CRACDL: variants seen among roughly 807,000 people sequenced by gnomAD.
The protein encoded by CRACDL is CRACD-like protein.
CRACDL carries 26 observed loss-of-function variants against 70.6 expected under a neutral mutation model. The ratio of observed to expected loss-of-function variants is 0.37; its 90% CI spans 0.27 to 0.51. The LOEUF (loss-of-function observed/expected upper bound fraction) is 0.51. Among genes scored for constraint, CRACDL ranks in the 20% least tolerant of loss-of-function variants. The probability of loss-of-function intolerance (pLI) is 0.94; values close to 1 mark genes in which losing one functional copy is unlikely to be tolerated. For missense variants in CRACDL, 1,283 were observed against 1,376.9 expected, an observed-to-expected ratio of 0.93 and a Z score of 1.08; for synonymous variants, 618 against 615.2, an observed-to-expected ratio of 1.00 and a Z score of -0.07.
intron 1 of CRACDL, among the ~76,000 whole-genome samples, chr2:98,925,385 A>G (rs1170690850): frequency 6.6e-6 from 1 of 152,220 alleles, no homozygotes; most frequent in East Asian, 1.9e-4. Context: ...GTTAAAAACA[A>G]GGTGACAAGG....
intron 1 of CRACDL, among the ~76,000 whole-genome samples, chr2:98,860,720 A>C (rs578153599): frequency 6.6e-6 from 1 of 152,348 alleles, no homozygotes; most frequent in Admixed American, 6.5e-5. Flanking sequence ...GGCAATAATT[A>C]CTCAGATGTG....
chr2:98,816,528 G>T (rs1486355712), intron 7 of CRACDL, among the ~76,000 whole-genome samples: 1 of 152,194 alleles, frequency 6.6e-6, no homozygotes, highest in Non-Finnish European at 1.5e-5. Flanking sequence ...TATGAATGCT[G>T]AAGTGTCAAG....
chr2:98,885,614 A>T (rs1404586829), intron 1 of CRACDL, among the ~76,000 whole-genome samples: 1 of 152,176 alleles, frequency 6.6e-6, no homozygotes, highest in African/African-American at 2.4e-5. Context: ...TGCAGATGAA[A>T]ATATGGCCTT....
intron 1 of CRACDL, among the ~76,000 whole-genome samples, chr2:98,864,611 A>G (rs549931207): frequency 2.0e-5 from 3 of 150,028 alleles, no homozygotes; most frequent in Non-Finnish European, 4.4e-5. Context: ...CAGCGGCACG[A>G]TCTCGGCTCA....
chr2:98,795,056 T>G lies in CRACDL; in HGVS notation c.2750-385A>C, dbSNP rs1248697385. On this transcript the variant is annotated intron_variant, in intron 9 of 9. Transcript: ENST00000397899. Reference sequence around the variant, plus strand: ...ATAATTAAAAATATATATATATATATATATATATATATATATATATATTTT... The same window carrying G: ...ATAATTAAAAATATATATATATATAGATATATATATATATATATATATTTT... 6.3e-4 allele frequency among the ~76,000 whole-genome samples: 26 copies of G among 41,010 alleles called. 1 individual carries two copies. Among genetic ancestry groups the G allele is most frequent in the African/African-American group, 1.8e-3 (24 of 13,102 alleles). The allele number at this position is 41,010 out of a possible 152,430, so 26.9% of individuals were successfully genotyped here.
intron 7 of CRACDL, among the ~76,000 whole-genome samples, chr2:98,812,236 A>C (rs1268598375): frequency 6.6e-6 from 1 of 152,178 alleles, no homozygotes; most frequent in African/African-American, 2.4e-5. Context: ...TGGCCTCCCA[A>C]AGTGCTGGGA....
intron 1 of CRACDL, among the ~76,000 whole-genome samples, chr2:98,889,998 G>C (rs1304350286): frequency 6.6e-6 from 1 of 152,152 alleles, no homozygotes; most frequent in African/African-American, 2.4e-5. Flanking sequence ...TTTATGGTAT[G>C]CAGTTAAAAC....
chr2:98,870,775 G>T (rs926575895), intron 1 of CRACDL, among the ~76,000 whole-genome samples: 1 of 152,196 alleles, frequency 6.6e-6, no homozygotes, highest in African/African-American at 2.4e-5. Flanking sequence ...GCTTGCTTTC[G>T]CCTGCTCTGG....
chr2:98,841,836 G>A (rs1030393049), intron 2 of CRACDL, among the ~76,000 whole-genome samples: 2 of 152,246 alleles, frequency 1.3e-5, no homozygotes, highest in East Asian at 3.9e-4. Flanking sequence ...TTGTACCAGC[G>A]TAATAGTTTG....
chr2:98,810,239 G>A (rs983188626), intron 7 of CRACDL, among the ~76,000 whole-genome samples: 2 of 152,212 alleles, frequency 1.3e-5, no homozygotes, highest in African/African-American at 2.4e-5. Flanking sequence ...AGAGTGCCAG[G>A]GAGCTGGTAT....
chr2:98,910,365 C>CA (rs1708518036), intron 1 of CRACDL, among the ~76,000 whole-genome samples: 1 of 151,736 alleles, frequency 6.6e-6, no homozygotes, highest in South Asian at 2.1e-4. Flanking sequence ...ACTAAAAATA[C>CA]AAAAAATTAG....
At chr2:98,868,031 C>T (rs1707212420) in intron 1 of CRACDL, among the ~76,000 whole-genome samples, 1 of 152,150 alleles carries the variant, frequency 6.6e-6, no homozygotes, top group African/African-American at 2.4e-5. Context: ...ACCACTCTAT[C>T]CTGGCCCATA....
chr2:98,847,666 G>A (rs1430507461), intron 1 of CRACDL, among the ~76,000 whole-genome samples: 1 of 152,162 alleles, frequency 6.6e-6, no homozygotes, highest in African/African-American at 2.4e-5. Flanking sequence ...TGAGCTAGTG[G>A]TGTCCATGCC....
chr2:98,821,754 CAA>C, intron 7 of CRACDL, 101 bp downstream of exon 7: 3 of 1,410,298 alleles, frequency 2.1e-6, no homozygotes, highest in Non-Finnish European at 2.9e-6. Flanking sequence ...TCCCCTGCAA[CAA>C]AGTTTGTACC....
At chr2:98,876,396 A>T (rs1707488976) in intron 1 of CRACDL, among the ~76,000 whole-genome samples, 1 of 152,152 alleles carries the variant, frequency 6.6e-6, no homozygotes. Context: ...GTTAGGAAGC[A>T]GGCCACACGG....
At chr2:98,904,822 C>A (rs1708364527) in intron 1 of CRACDL, among the ~76,000 whole-genome samples, 1 of 152,216 alleles carries the variant, frequency 6.6e-6, no homozygotes, top group Non-Finnish European at 1.5e-5. Flanking sequence ...TACCCAATCT[C>A]ATGTTGAAAT....
At chr2:98,801,296 G>T (rs1242941341) in intron 7 of CRACDL, among the ~76,000 whole-genome samples, 1 of 152,208 alleles carries the variant, frequency 6.6e-6, no homozygotes, top group Non-Finnish European at 1.5e-5. Flanking sequence ...CCAGGAAAAA[G>T]AGAGAGAACC....
At position 98,794,451 on chromosome 2, in the gene CRACDL, T is replaced by C. The variant is rs1703715773; in HGVS notation, c.*81A>G. ...AAAATCAATCTTTAAGTTTCACAGT[T>C]TGTTTGCCACAATACACTGGCAGTT... On this transcript the variant is annotated 3_prime_UTR_variant, in exon 10 of 10. Transcript: ENST00000397899. 2 of 1,230,208 alleles carry C rather than the reference T, an allele frequency of 1.6e-6. No homozygotes were observed. Among genetic ancestry groups the C allele is most frequent in the Admixed American group, 3.9e-5 (2 of 51,800 alleles). The allele number at this position is 1,230,208 out of a possible 1,614,324, so 76.2% of individuals were successfully genotyped here.
In CRACDL at chr2:98,796,241, A is replaced by G; in HGVS notation, c.2628T>C (p.Phe876=). ...TTATCAGGAAAGACTTGCTGCGAAC[A>G]AAGTCAGCTTGCTTCACAGGCTCCT... ...RGQEPVKQAD[F]VRSKSFLITP... is the part of the protein sequence containing the mutation. The change falls in exon 9 of 10, where the codon TTT becomes TTC. Residue 876 remains phenylalanine, a synonymous_variant. Coordinates refer to ENST00000397899, the MANE Select transcript of CRACDL (RefSeq NM_207362.3). The G allele has an allele frequency of 6.2e-7, 1 of 1,614,200 alleles. No individual in the cohort carries two copies.
Sources: gnomAD v4.1 joint callset for allele counts (sites outside exome capture counted in the v4.1 genomes callset) on GRCh38, gnomAD v4.1.1 for gene constraint, MANE v1.5 for transcripts, NCBI Gene and HGNC (gene_info 2026-07-23, HGNC 2026-07-21) for gene names.